BTBD16: variants seen among roughly 807,000 people sequenced by gnomAD.
The protein encoded by BTBD16 is BTB domain containing 16.
A neutral mutation model predicts 67.4 loss-of-function variants in BTBD16; 66 were observed. That is an observed-to-expected ratio of 0.98 (90% CI 0.80 to 1.20). BTBD16 has a LOEUF of 1.20. BTBD16 is among the 50% of genes most tolerant of loss of function. BTBD16 has a pLI of 0.00. For synonymous variants in BTBD16, 242 were observed against 236.4 expected (o/e 1.02, Z -0.22); for missense variants, 634 against 616.0 (o/e 1.03, Z -0.31).
chr10:122,330,799 G>T (rs917926617), intron 11 of BTBD16, among the ~76,000 whole-genome samples: 1 of 152,050 alleles, frequency 6.6e-6, no homozygotes, highest in African/African-American at 2.4e-5. Context: ...TGCAATCTTG[G>T]CTCACTGCAG....
intron 9 of BTBD16, among the ~76,000 whole-genome samples, chr10:122,299,822 C>T (rs1474799308): frequency 6.6e-6 from 1 of 152,150 alleles, no homozygotes; most frequent in Non-Finnish European, 1.5e-5. Flanking sequence ...CCAAGGTGAC[C>T]TCTAACTGTC....
chr10:122,305,615 G>A (rs972773409), intron 9 of BTBD16, among the ~76,000 whole-genome samples: 1 of 152,138 alleles, frequency 6.6e-6, no homozygotes, highest in African/African-American at 2.4e-5. Context: ...TACAGCCCAT[G>A]GAACTGTGAG....
chr10:122,279,655 G>A (rs2142047861), intron 3 of BTBD16, among the ~76,000 whole-genome samples: 1 of 152,182 alleles, frequency 6.6e-6, no homozygotes, highest in South Asian at 2.1e-4. Context: ...GGTAATTCTT[G>A]TGAACCTTCA....
At chr10:122,337,504 G>A (rs1370664271) in intron 15 of BTBD16, among the ~76,000 whole-genome samples, 5 of 152,030 alleles carry the variant, frequency 3.3e-5, no homozygotes, top group Non-Finnish European at 7.4e-5. Context: ...TCGCTCTATC[G>A]CCCAGGCTGG....
At chr10:122,274,767 G>A (rs2096336744) in intron 1 of BTBD16, among the ~76,000 whole-genome samples, 1 of 151,922 alleles carries the variant, frequency 6.6e-6, no homozygotes, top group Non-Finnish European at 1.5e-5. Flanking sequence ...CCTCACTTTG[G>A]CAAAGGATTA....
At chr10:122,274,383 C>A (rs777414216) in intron 1 of BTBD16, among the ~76,000 whole-genome samples, 8 of 152,206 alleles carry the variant, frequency 5.3e-5, no homozygotes, top group African/African-American at 1.9e-4. Context: ...ACTCCTGGTG[C>A]GTGCCACCCA....
chr10:122,293,947 A>C (rs2096378583), intron 7 of BTBD16: 1 of 170,298 alleles, frequency 5.9e-6, no homozygotes, highest in Admixed American at 6.5e-5. Context: ...ATGAACCAAG[A>C]AGGGCAGCTT....
In BTBD16 at chr10:122,291,156, T is replaced by C. The variant is rs997091099; in HGVS notation, c.552T>C (p.Ala184=). 6 of 1,613,764 alleles carry C rather than the reference T, an allele frequency of 3.7e-6. No individual in the cohort carries two copies. In the African/African-American group the frequency reaches 6.7e-5, roughly 18 times the overall value. ...TGGAAGACCTACTGGGAGTGCTGGC[T>C]TCCGCCCACATCCTCCAGTTCAGTG... is the stretch of plus-strand genomic sequence containing the variant. The part of the protein sequence containing the change: ...INLEDLLGVL[A]SAHILQFSGL... The change falls in exon 7 of 16, where the codon GCT becomes GCC. Residue 184 remains alanine, a synonymous_variant. Transcript: ENST00000260723.
intron 7 of BTBD16, among the ~76,000 whole-genome samples, chr10:122,293,050 A>G (rs1483276766): frequency 6.6e-6 from 1 of 152,174 alleles, no homozygotes; most frequent in African/African-American, 2.4e-5. Context: ...TGCCTACTGC[A>G]TTGATGTCCT....
At position 122,302,862 on chromosome 10, in the gene BTBD16, G is replaced by A. The variant is rs74159115; in HGVS notation, c.791+3728G>A. On this transcript the variant is annotated intron_variant, in intron 9 of 15. Coordinates refer to ENST00000260723, the MANE Select transcript of BTBD16 (RefSeq NM_144587.5). ...TGGAATAGAGATGATAGGAAATGAC[G>A]GGATCAGCTGAAGGTCTCCTCATGC... is the stretch of plus-strand genomic sequence containing the variant. Among the ~76,000 whole-genome samples, 764 of 152,230 alleles carry A rather than the reference G, an allele frequency of 5.0e-3. 4 individuals are homozygous for A. The highest frequency in any genetic ancestry group is 0.018 in the African/African-American group (733 of 41,548).
At chr10:122,317,451 TC>T in intron 10 of BTBD16, among the ~76,000 whole-genome samples, 1 of 151,994 alleles carries the variant, frequency 6.6e-6, no homozygotes, top group Admixed American at 6.5e-5. Context: ...ATCGAGACCA[TC>T]CTGGCTAACA....
chr10:122,282,896 G>C (rs774513987), intron 3 of BTBD16, among the ~76,000 whole-genome samples: 6 of 152,228 alleles, frequency 3.9e-5, no homozygotes, highest in Non-Finnish European at 8.8e-5. Context: ...TCTGAAGAAT[G>C]AGTAGGAGCT....
At chr10:122,335,339 T>C (rs1328020010) in intron 14 of BTBD16, among the ~76,000 whole-genome samples, 2 of 152,170 alleles carry the variant, frequency 1.3e-5, no homozygotes, top group Non-Finnish European at 2.9e-5. Flanking sequence ...TAACCGGTAA[T>C]GCCCCCAACT....
In BTBD16 at chr10:122,303,656, G is replaced by C. The variant is rs1010943751; in HGVS notation, c.792-3533G>C. Reference sequence around the variant, plus strand: ...ATTGTTTATATATAATTTTCTCAGTGAAAAATAGAGGACAGTGTCTTATGA... The same window carrying C: ...ATTGTTTATATATAATTTTCTCAGTCAAAAATAGAGGACAGTGTCTTATGA... On this transcript the variant is annotated intron_variant, in intron 9 of 15. Coordinates refer to ENST00000260723, the MANE Select transcript of BTBD16 (RefSeq NM_144587.5). The C allele has an allele frequency of 3.4e-6, 3 of 880,030 alleles. No individual in the cohort carries two copies. The African/African-American group carries it at 5.5e-5, about 16-fold the overall frequency. The allele number at this position is 880,030 out of a possible 1,614,324, so 54.5% of individuals were successfully genotyped here.
At position 122,297,771 on chromosome 10, in the gene BTBD16, C is replaced by T. The variant is rs370317488; in HGVS notation, c.594C>T (p.Cys198=). 3.6e-5 allele frequency: 58 copies of T among 1,614,078 alleles called. No homozygotes were observed. The highest frequency in any genetic ancestry group is 1.6e-4 in the Middle Eastern group (1 of 6,062). ...ILQFSGLFQR[C]VDVMIARLKP... Reference sequence around the variant, plus strand: ...AACTGCAGTTCTCTCTCTCCAGGTGCGTGGATGTGATGATAGCCAGACTCA... The same window carrying T: ...AACTGCAGTTCTCTCTCTCCAGGTGTGTGGATGTGATGATAGCCAGACTCA... Residue 198 remains cysteine, a synonymous_variant, in exon 8 of 16, where the codon TGC becomes TGT. Transcript: ENST00000260723.
intron 7 of BTBD16, among the ~76,000 whole-genome samples, chr10:122,292,414 A>G (rs1426090994): frequency 1.3e-5 from 2 of 152,194 alleles, no homozygotes; most frequent in Non-Finnish European, 2.9e-5. Context: ...GGGCTTTGGG[A>G]AGTAAGTAAC....
At chr10:122,303,781 C>G (rs988593861) in intron 9 of BTBD16, among the ~76,000 whole-genome samples, 5 of 152,156 alleles carry the variant, frequency 3.3e-5, no homozygotes, top group African/African-American at 7.2e-5. Context: ...GAGGGAGGTT[C>G]AAGTCCCTGT....
At chr10:122,329,852 T>C (rs905082896) in intron 11 of BTBD16, among the ~76,000 whole-genome samples, 1 of 152,234 alleles carries the variant, frequency 6.6e-6, no homozygotes, top group African/African-American at 2.4e-5. Context: ...AGGGCTGTTT[T>C]ATTGGCATCT....
In BTBD16 at chr10:122,299,123, G is replaced by T. The variant is rs201101850; in HGVS notation, c.780G>T (p.Leu260=). 6.2e-7 allele frequency: 1 copy of T among 1,613,860 alleles called. No individual in the cohort carries two copies. The highest frequency in any genetic ancestry group is 8.5e-7 in the Non-Finnish European group (1 of 1,179,948). Residue 260 remains leucine (L), a synonymous_variant, in exon 9 of 16, where the codon CTG becomes CTT. Transcript: ENST00000260723. ...CACAGGACCTGCTCCACAAAGTGCT[G>T]AAGTCCCCCAGGTCAGAGCTGGCTC... ...KIPQDLLHKV[L]KSPRLFTFSE...
Sources: allele counts gnomAD v4.1 joint callset (sites outside exome capture counted in the v4.1 genomes callset), GRCh38; gene constraint gnomAD v4.1.1; transcripts MANE v1.5; gene names NCBI Gene and HGNC (gene_info 2026-07-23, HGNC 2026-07-21).